NPAS3: variants seen among roughly 807,000 people sequenced by gnomAD.
The protein encoded by NPAS3 is neuronal PAS domain protein 3.
NPAS3 carries 14 observed loss-of-function variants against 73.1 expected under a neutral mutation model. The observed-to-expected ratio is 0.19, with a 90% CI of 0.13 to 0.30. The LOEUF (loss-of-function observed/expected upper bound fraction) is 0.30, where lower values mean the gene tolerates loss of function less well. NPAS3 is among the 10% of genes least tolerant of loss of function. NPAS3 has a pLI of 1.00. For synonymous variants in NPAS3, 620 were observed against 541.5 expected (o/e 1.14, Z -2.01); for missense variants, 1,096 against 1,250.0 (o/e 0.88, Z 1.86).
At chr14:33,155,422 C>A (rs1235372014) in intron 2 of NPAS3, among the ~76,000 whole-genome samples, 2 of 152,270 alleles carry the variant, frequency 1.3e-5, no homozygotes, top group East Asian at 3.9e-4. Context: ...AACTGGGTAT[C>A]TCTCTGTTCC....
chr14:33,168,109 C>G (rs886398565), intron 2 of NPAS3, among the ~76,000 whole-genome samples: 13 of 152,140 alleles, frequency 8.5e-5, no homozygotes, highest in African/African-American at 2.9e-4. Flanking sequence ...TTGGGAGCAG[C>G]GTAGCTACGG....
At chr14:33,679,052 A>G (rs2059855925) in intron 6 of NPAS3, among the ~76,000 whole-genome samples, 1 of 152,126 alleles carries the variant, frequency 6.6e-6, no homozygotes, top group Non-Finnish European at 1.5e-5. Context: ...AGATACTACA[A>G]ATTTACTTAG....
At chr14:33,305,078 G>A (rs1346861933) in intron 3 of NPAS3, among the ~76,000 whole-genome samples, 2 of 152,036 alleles carry the variant, frequency 1.3e-5, no homozygotes, top group African/African-American at 4.8e-5. Flanking sequence ...GAAAGGGAAG[G>A]ATTTGAGAGC....
chr14:33,579,379 G>T (rs934280941), intron 5 of NPAS3, among the ~76,000 whole-genome samples: 5 of 152,170 alleles, frequency 3.3e-5, no homozygotes, highest in Non-Finnish European at 4.4e-5. Context: ...GATTTGGGAT[G>T]GGCAGTTGAA....
chr14:33,544,099 T>G (rs2054668076), intron 4 of NPAS3, among the ~76,000 whole-genome samples: 1 of 151,466 alleles, frequency 6.6e-6, no homozygotes, highest in African/African-American at 2.4e-5. Context: ...AAATGCTATC[T>G]GTCACTGTTA....
intron 2 of NPAS3, among the ~76,000 whole-genome samples, chr14:33,182,014 G>A (rs927959128): frequency 1.3e-5 from 2 of 152,012 alleles, no homozygotes; most frequent in African/African-American, 2.4e-5. Context: ...TTTTCTCCAA[G>A]TATTATAGTA....
intron 3 of NPAS3, among the ~76,000 whole-genome samples, chr14:33,352,333 T>C (rs17100757): frequency 0.04 from 6,056 of 152,320 alleles, 358 homozygotes; most frequent in African/African-American, 0.13. Context: ...TGACTTTCTT[T>C]AATCTTCGTC....
chr14:33,542,829 A>G (rs1003964301), intron 4 of NPAS3, among the ~76,000 whole-genome samples: 1 of 152,180 alleles, frequency 6.6e-6, no homozygotes, highest in African/African-American at 2.4e-5. Flanking sequence ...AGAGCAAGAG[A>G]TACTCTCACA....
At chr14:33,593,529 G>C (rs2057139994) in intron 5 of NPAS3, among the ~76,000 whole-genome samples, 2 of 152,180 alleles carry the variant, frequency 1.3e-5, no homozygotes, top group South Asian at 4.1e-4. Flanking sequence ...GTGCGCATTT[G>C]GGGGAAACTG....
chr14:33,781,629 A>C (rs964004560), intron 9 of NPAS3, among the ~76,000 whole-genome samples: 2 of 152,238 alleles, frequency 1.3e-5, no homozygotes, highest in Non-Finnish European at 2.9e-5. Context: ...AATAAACCAC[A>C]TTAACTATTT....
At chr14:33,212,020 A>C (rs889000333) in intron 2 of NPAS3, among the ~76,000 whole-genome samples, 6 of 152,214 alleles carry the variant, frequency 3.9e-5, no homozygotes, top group African/African-American at 1.4e-4. Flanking sequence ...ACATACAACC[A>C]CAATACTTTC....
chr14:33,731,422 T>G, intron 6 of NPAS3, among the ~76,000 whole-genome samples: 1 of 33,522 alleles, frequency 3.0e-5, no homozygotes, highest in South Asian at 1.0e-3. Flanking sequence ...CTGTCTCATT[T>G]GAAAAAAAAA....
chr14:33,688,024 T>C (rs903489292), intron 6 of NPAS3, among the ~76,000 whole-genome samples: 6 of 152,226 alleles, frequency 3.9e-5, no homozygotes, highest in Non-Finnish European at 5.9e-5. Flanking sequence ...TAAAGTCTAA[T>C]ACAGCACTTC....
chr14:32,959,396 CAAGTAAA>C (rs1251342818), intron 1 of NPAS3, among the ~76,000 whole-genome samples: 1 of 152,114 alleles, frequency 6.6e-6, no homozygotes, highest in African/African-American at 2.4e-5. Context: ...AACTGTAGTT[CAAGTAAA>C]GATTCCAAAC....
intron 4 of NPAS3, among the ~76,000 whole-genome samples, chr14:33,392,801 T>A (rs927326802): frequency 6.6e-6 from 1 of 152,136 alleles, no homozygotes; most frequent in South Asian, 2.1e-4. Context: ...ACAGTATTTT[T>A]CCTTCCTGTC....
intron 2 of NPAS3, among the ~76,000 whole-genome samples, chr14:33,077,937 A>G (rs2041723857): frequency 1.3e-5 from 2 of 151,954 alleles, no homozygotes; most frequent in Non-Finnish European, 2.9e-5. Context: ...CAGGAGTTCG[A>G]GACCAGCCTG....
At chr14:33,165,906 G>T (rs945962902) in intron 2 of NPAS3, among the ~76,000 whole-genome samples, 2 of 152,110 alleles carry the variant, frequency 1.3e-5, no homozygotes, top group Admixed American at 6.5e-5. Context: ...TGAGTACTTT[G>T]TGTCCCCCCA....
intron 4 of NPAS3, among the ~76,000 whole-genome samples, chr14:33,395,101 C>G (rs1030370389): frequency 6.6e-6 from 1 of 152,036 alleles, no homozygotes; most frequent in African/African-American, 2.4e-5. Context: ...TTGCAAATAG[C>G]GAGGATCTCT....
intron 3 of NPAS3, among the ~76,000 whole-genome samples, chr14:33,269,953 C>A (rs935174896): frequency 3.3e-5 from 5 of 151,956 alleles, no homozygotes; most frequent in Non-Finnish European, 7.4e-5. Context: ...GGAAGCAGAG[C>A]CTAAGATGGG....
Sources: allele counts gnomAD v4.1 joint callset (sites outside exome capture counted in the v4.1 genomes callset), GRCh38; gene constraint gnomAD v4.1.1; transcripts MANE v1.5; gene names NCBI Gene and HGNC (gene_info 2026-07-23, HGNC 2026-07-21).